GLMN: variants seen among roughly 807,000 people sequenced by gnomAD.
The protein encoded by GLMN is glomulin.
A neutral mutation model predicts 87.8 loss-of-function variants in GLMN; 75 were observed. The ratio of observed to expected loss-of-function variants is 0.85; its 90% confidence interval spans 0.71 to 1.04. The LOEUF is 1.04. Among genes scored for constraint, GLMN ranks in the 50% least tolerant of loss-of-function variants. The pLI is 0.00. For synonymous variants in GLMN, 206 were observed against 221.6 expected (o/e 0.93, Z 0.63); for missense variants, 588 against 658.8 (o/e 0.89, Z 1.18).
chr1:92,249,962 C>T (rs1159735618), intron 16 of GLMN, among the ~76,000 whole-genome samples: 2 of 152,032 alleles, frequency 1.3e-5, no homozygotes, highest in Non-Finnish European at 2.9e-5. Flanking sequence ...CTTTTTACGT[C>T]CAGCCTTTTC....
chr1:92,265,768 T>C (rs923564873), intron 13 of GLMN, among the ~76,000 whole-genome samples: 3 of 152,178 alleles, frequency 2.0e-5, no homozygotes, highest in African/African-American at 7.2e-5. Context: ...AGTACTAATA[T>C]TGGCCAATCC....
chr1:92,299,099 C>T (rs189395000), upstream of GLMN: 164 of 1,520,906 alleles, frequency 1.1e-4, no homozygotes, highest in Non-Finnish European at 1.4e-4. Flanking sequence ...GGGCCGTCTT[C>T]TGCCGGCCGC....
the GLMN span, among the ~76,000 whole-genome samples, chr1:92,361,081 T>TATATATATATA: frequency 1.4e-5 from 2 of 138,322 alleles, no homozygotes; most frequent in African/African-American, 5.4e-5. Context: ...AAAAAGCATA[T>TATATATATATA]ATATATATAT....
At chr1:92,339,626 G>GT in the GLMN span, among the ~76,000 whole-genome samples, 386 of 151,556 alleles carry the variant, frequency 2.5e-3, 3 homozygotes, top group South Asian at 9.5e-3. Context: ...CTTCACAGTT[G>GT]TTTTTTTTCT....
At chr1:92,281,038 C>A (rs1647979430) in intron 7 of GLMN, among the ~76,000 whole-genome samples, 1 of 152,196 alleles carries the variant, frequency 6.6e-6, no homozygotes, top group Non-Finnish European at 1.5e-5. Flanking sequence ...AGTTAGAAAA[C>A]ACTCTTCAGG....
Position 92,271,743 on chromosome 1 carries a change from G to A in GLMN, c.736-91C>T. The A allele has an allele frequency of 1.5e-5, 13 of 882,658 alleles. No individual in the cohort carries two copies. The South Asian group carries it at 1.8e-4, about 12-fold the overall frequency. 54.7% of individuals were successfully genotyped at this position (882,658 alleles called of 1,614,324 possible). A position where few individuals can be genotyped will look rare whatever the true frequency, so the allele number is the denominator to read the frequency against. On this transcript the variant is annotated intron_variant, in intron 7 of 18. Transcript: ENST00000370360. ...TCAAACTCCACATTCTCACCAAGGG[G>A]AGGTGTAATCACTCCCTTTGAGCGT...
At chr1:92,358,305 A>G in the GLMN span, among the ~76,000 whole-genome samples, 1 of 152,036 alleles carries the variant, frequency 6.6e-6, no homozygotes, top group Non-Finnish European at 1.5e-5. Flanking sequence ...GTTTCTCATC[A>G]TAGTCTTTAC....
At chr1:92,333,410 T>G in the GLMN span, 1 of 1,613,512 alleles carries the variant, frequency 6.2e-7, no homozygotes, top group Non-Finnish European at 8.5e-7. Context: ...ACCTTTCCAC[T>G]GATAGACTCA....
chr1:92,256,336 T>C (rs1186390752), intron 16 of GLMN, among the ~76,000 whole-genome samples: 1 of 150,452 alleles, frequency 6.6e-6, no homozygotes, highest in Non-Finnish European at 1.5e-5. Context: ...AAAGAGGAGG[T>C]GGTACCATTC....
chr1:92,316,992 AAGG>A, the GLMN span, among the ~76,000 whole-genome samples: 5 of 152,192 alleles, frequency 3.3e-5, no homozygotes, highest in African/African-American at 1.2e-4. Context: ...AAATTACACA[AAGG>A]AGAAGAAAAT....
the GLMN span, among the ~76,000 whole-genome samples, chr1:92,306,478 T>C: frequency 9.2e-5 from 14 of 152,340 alleles, no homozygotes; most frequent in South Asian, 8.3e-4. Context: ...CTATAAATGG[T>C]AAAGTGTAAT....
intron 16 of GLMN, among the ~76,000 whole-genome samples, chr1:92,259,733 T>TC: frequency 2.8e-5 from 1 of 35,444 alleles, no homozygotes; most frequent in East Asian, 0.016. Context: ...TTTTTCTTTC[T>TC]TTTTTTTTTT....
upstream of GLMN, chr1:92,299,213 C>A: frequency 9.9e-7 from 1 of 1,006,124 alleles, no homozygotes; most frequent in African/African-American, 1.7e-5. Context: ...AGTTATAGAC[C>A]GCAGCGCGCG....
the GLMN span, among the ~76,000 whole-genome samples, chr1:92,353,212 G>T: frequency 6.6e-6 from 1 of 152,124 alleles, no homozygotes; most frequent in South Asian, 2.1e-4. Flanking sequence ...ATATACCTAG[G>T]AGTAGAATTG....
chr1:92,293,907 C>T (rs1295469126), intron 3 of GLMN, among the ~76,000 whole-genome samples: 3 of 150,574 alleles, frequency 2.0e-5, no homozygotes, highest in African/African-American at 7.4e-5. Context: ...AAAACCAAAA[C>T]AACTGAACTC....
At chr1:92,315,522 C>T in the GLMN span, among the ~76,000 whole-genome samples, 3 of 152,010 alleles carry the variant, frequency 2.0e-5, no homozygotes, top group African/African-American at 4.8e-5. Flanking sequence ...ATTTGCAAAG[C>T]GCAGTAAAGG....
the GLMN span, among the ~76,000 whole-genome samples, chr1:92,304,514 T>C: frequency 6.6e-6 from 1 of 152,234 alleles, no homozygotes; most frequent in South Asian, 2.1e-4. Context: ...TGATTTTATT[T>C]GTAAATATTT....
At chr1:92,342,232 G>C in the GLMN span, among the ~76,000 whole-genome samples, 1 of 152,198 alleles carries the variant, frequency 6.6e-6, no homozygotes, top group Non-Finnish European at 1.5e-5. Context: ...TTTGTGTAAA[G>C]ACCCGAAAGG....
intron 7 of GLMN, among the ~76,000 whole-genome samples, chr1:92,280,560 T>C (rs139221452): frequency 6.6e-6 from 1 of 152,182 alleles, no homozygotes; most frequent in African/African-American, 2.4e-5. Context: ...GCCTCTGCTC[T>C]TTCAAAGGAT....
Sources: allele counts gnomAD v4.1 joint callset (sites outside exome capture counted in the v4.1 genomes callset), GRCh38; gene constraint gnomAD v4.1.1; transcripts MANE v1.5; gene names NCBI Gene and HGNC (gene_info 2026-07-23, HGNC 2026-07-21).